Variants in KCNMA1 observed in about 807,000 individuals in gnomAD.
The protein encoded by KCNMA1 is Calcium-activated potassium channel subunit alpha-1.
In KCNMA1, 29 loss-of-function variants were observed where a neutral mutation model predicts 140.0. That is an observed-to-expected ratio of 0.21 (90% CI 0.15 to 0.28). The LOEUF is 0.28. KCNMA1 is among the 10% of genes least tolerant of loss of function. KCNMA1 has a pLI of 1.00. For synonymous variants in KCNMA1, 612 were observed against 611.9 expected (o/e 1.00, Z 0.00); for missense variants, 880 against 1,602.2 (o/e 0.55, Z 7.70).
intron 23 of KCNMA1, among the ~76,000 whole-genome samples, chr10:76,931,692 T>C (rs1366482950): frequency 6.6e-6 from 1 of 152,042 alleles, no homozygotes; most frequent in East Asian, 1.9e-4. Context: ...TGTCCCAATC[T>C]CTGCTTCAGA....
chr10:77,488,302 G>A (rs2098485245), intron 1 of KCNMA1, among the ~76,000 whole-genome samples: 1 of 152,206 alleles, frequency 6.6e-6, no homozygotes, highest in African/African-American at 2.4e-5. Context: ...CTGCTCTGGG[G>A]AAGGGGGATG....
intron 14 of KCNMA1, among the ~76,000 whole-genome samples, chr10:77,046,201 C>T (rs2095045069): frequency 6.6e-6 from 1 of 152,140 alleles, no homozygotes; most frequent in South Asian, 2.1e-4. Context: ...AAAGGATCCA[C>T]AGTTTTAAAT....
intron 18 of KCNMA1, chr10:77,008,341 C>A: frequency 1.5e-6 from 1 of 658,136 alleles, no homozygotes; most frequent in South Asian, 2.6e-5. Flanking sequence ...ACTAGGAGTC[C>A]ACACTTTGGC....
At chr10:76,901,700 T>C (rs1397890474) in intron 25 of KCNMA1, 2 of 152,206 alleles carry the variant, frequency 1.3e-5, no homozygotes, top group Non-Finnish European at 2.9e-5. Flanking sequence ...GTTTCACAGG[T>C]GTCTGAACAA....
chr10:76,952,161 T>C, intron 21 of KCNMA1: 2 of 1,551,416 alleles, frequency 1.3e-6, no homozygotes, highest in Non-Finnish European at 1.7e-6. Context: ...GCCTGTGACC[T>C]GCCACAAGTG....
chr10:77,462,950 T>C (rs1039358506), intron 1 of KCNMA1, among the ~76,000 whole-genome samples: 8 of 152,072 alleles, frequency 5.3e-5, no homozygotes. Flanking sequence ...CTGCCAGAGG[T>C]GGGAGAAACC....
chr10:77,036,286 C>T (rs1057085179), intron 15 of KCNMA1, among the ~76,000 whole-genome samples: 5 of 152,156 alleles, frequency 3.3e-5, no homozygotes, highest in East Asian at 1.9e-4. Flanking sequence ...AGATAGCTTT[C>T]GGGGTGGCAG....
At chr10:77,546,170 G>A (rs542463648) in intron 1 of KCNMA1, among the ~76,000 whole-genome samples, 1 of 152,304 alleles carries the variant, frequency 6.6e-6, no homozygotes, top group East Asian at 1.9e-4. Context: ...TTGGAGGAAA[G>A]TCTGTGTGGG....
rs1161895510 is a variant in KCNMA1, at chr10:76,969,933, G to T, written c.2360+41C>A. The T allele has an allele frequency of 4.0e-6, 6 of 1,487,254 alleles. No homozygotes were observed. The Admixed American group carries it at 1.0e-4, about 25-fold the overall frequency. The allele number at this position is 1,487,254 out of a possible 1,614,324, so 92.1% of individuals were successfully genotyped here. A position where few individuals can be genotyped will look rare whatever the true frequency, so the allele number is the denominator to read the frequency against. On this transcript the variant is annotated intron_variant, in intron 20 of 27. Transcript: ENST00000286628. ...GAGAGGGCGAGGGGAGGAAGAGAAG[G>T]GCTAAGAGGGAAACCGTGGGCAACC...
intron 5 of KCNMA1, among the ~76,000 whole-genome samples, chr10:77,162,414 C>T (rs1315488861): frequency 6.6e-6 from 1 of 152,166 alleles, no homozygotes; most frequent in East Asian, 1.9e-4. Context: ...CAGAAACAGT[C>T]AAACAAGAAA....
chr10:77,488,190 G>A (rs1373154162), intron 1 of KCNMA1, among the ~76,000 whole-genome samples: 2 of 152,176 alleles, frequency 1.3e-5, no homozygotes, highest in Non-Finnish European at 2.9e-5. Flanking sequence ...GACCCTCAAA[G>A]GCTGTTCTGA....
At chr10:77,087,747 G>A (rs1234735759) in intron 10 of KCNMA1, among the ~76,000 whole-genome samples, 7 of 152,148 alleles carry the variant, frequency 4.6e-5, no homozygotes, top group Non-Finnish European at 5.9e-5. Context: ...AAAGACTGTC[G>A]ATAAGGTACC....
rs1221901448 is a variant in KCNMA1, at chr10:77,267,776, A to G, written c.541-16520T>C. ...CAGAAAAGTCTTCTAATGAGTCCCA[A>G]TCTAATGTGACAATCATCCAACAAT... is the stretch of plus-strand genomic sequence containing the variant. On this transcript the variant is annotated intron_variant, in intron 2 of 27. Transcript: ENST00000286628. 5.9e-5 allele frequency among the ~76,000 whole-genome samples: 9 copies of G among 152,190 alleles called. No homozygotes were observed. In the East Asian group the frequency reaches 1.7e-3, roughly 29 times the overall value.
intron 1 of KCNMA1, among the ~76,000 whole-genome samples, chr10:77,457,288 T>C (rs138277992): frequency 6.4e-4 from 98 of 152,276 alleles, no homozygotes; most frequent in African/African-American, 2.3e-3. Flanking sequence ...TCAGCAGGAA[T>C]GCAGGCAGAA....
At chr10:77,467,634 C>A (rs889795487) in intron 1 of KCNMA1, among the ~76,000 whole-genome samples, 12 of 152,238 alleles carry the variant, frequency 7.9e-5, no homozygotes, top group Non-Finnish European at 1.8e-4. Context: ...GGAAAGCCAA[C>A]TCGAGGTCAA....
At chr10:77,141,555 A>G (rs2098171085) in intron 5 of KCNMA1, among the ~76,000 whole-genome samples, 1 of 152,250 alleles carries the variant, frequency 6.6e-6, no homozygotes, top group African/African-American at 2.4e-5. Flanking sequence ...GAACCTGACC[A>G]TGCTGGAATG....
At chr10:77,386,462 G>A (rs1283367714) in intron 2 of KCNMA1, among the ~76,000 whole-genome samples, 1 of 152,206 alleles carries the variant, frequency 6.6e-6, no homozygotes, top group Non-Finnish European at 1.5e-5. Context: ...TGACTTGTCA[G>A]CCGTCTTCCA....
intron 19 of KCNMA1, among the ~76,000 whole-genome samples, chr10:76,998,289 GTTTCAA>G (rs1219758124): frequency 6.6e-6 from 1 of 152,152 alleles, no homozygotes; most frequent in Non-Finnish European, 1.5e-5. Context: ...GGGACTTTGT[GTTTCAA>G]TTTAACATCC....
intron 1 of KCNMA1, among the ~76,000 whole-genome samples, chr10:77,523,203 G>GCCC (rs10623337): frequency 0.055 from 7,822 of 141,730 alleles, 440 homozygotes; most frequent in East Asian, 0.31. Flanking sequence ...CCTTGGACGT[G>GCCC]CCCCCCCCCC....
Sources: gnomAD v4.1 joint callset for allele counts (sites outside exome capture counted in the v4.1 genomes callset) on GRCh38, gnomAD v4.1.1 for gene constraint, MANE v1.5 for transcripts, NCBI Gene and HGNC (gene_info 2026-07-23, HGNC 2026-07-21) for gene names.